Variants in PHF2 observed in about 807,000 individuals in gnomAD.
PHF2 encodes lysine-specific demethylase PHF2.
PHF2 carries 27 observed loss-of-function variants against 120.5 expected under a neutral mutation model. The observed-to-expected ratio is 0.22, with a 90% CI of 0.17 to 0.31. The LOEUF is 0.31. PHF2 is among the 10% of genes least tolerant of loss of function. PHF2 has a pLI of 1.00. For missense variants in PHF2, 1,024 were observed against 1,434.8 expected, an observed-to-expected ratio of 0.71 and a Z score of 4.63; for synonymous variants, 568 against 592.5, an observed-to-expected ratio of 0.96 and a Z score of 0.60.
At chr9:93,648,239 G>A (rs543166697) in intron 4 of PHF2, among the ~76,000 whole-genome samples, 105 of 152,350 alleles carry the variant, frequency 6.9e-4, no homozygotes, top group African/African-American at 2.3e-3. Context: ...TTGGTTGCCA[G>A]CGTCCCAGTG....
chr9:93,663,767 T>TCACA (rs56951431), intron 14 of PHF2, 132 bp downstream of exon 14: 340,930 of 571,686 alleles, frequency 0.6, 106,065 homozygotes, highest in Non-Finnish European at 0.65. Flanking sequence ...ACTCTGCATC[T>TCACA]CACACACACC....
rs1329980861 is a variant in PHF2, at chr9:93,676,509, C to T, written c.2833-85C>T. The T allele has an allele frequency of 2.7e-6, 4 of 1,501,232 alleles. No homozygotes were observed. In the East Asian group the frequency reaches 9.1e-5, roughly 34 times the overall value. The allele number at this position is 1,501,232 out of a possible 1,614,324, so 93.0% of individuals were successfully genotyped here. On this transcript the variant is annotated intron_variant, in intron 20 of 21. Transcript: ENST00000359246. ...CCAGCCCTGCTGTGCTCAAGGGCCC[C>T]TGGCAAGGCCATGCCGGGAGCTCCC... is the stretch of plus-strand genomic sequence containing the variant.
intron 6 of PHF2, 90 bp from the exon 7 acceptor site, chr9:93,654,323 C>A: frequency 8.1e-7 from 1 of 1,234,002 alleles, no homozygotes; most frequent in Non-Finnish European, 1.2e-6. Flanking sequence ...TGGACCTGGG[C>A]AGGGTACTTT....
chr9:93,674,840 GGTCTGCAGCCAC>G lies in PHF2; in HGVS notation c.2627-86_2627-75del, dbSNP rs905214300. The G allele has an allele frequency of 3.4e-6, 3 of 890,160 alleles. No individual in the cohort carries two copies. In the African/African-American group the frequency reaches 4.9e-5, roughly 15 times the overall value. The allele number at this position is 890,160 out of a possible 1,614,324, so 55.1% of individuals were successfully genotyped here. A position where few individuals can be genotyped will look rare whatever the true frequency, so the allele number is the denominator to read the frequency against. ...AGGCCCTGGGGTTGCTGGCGAGGAA[GGTCTGCAGCCAC>G]CTGTACCCCCCCGCCCTCCTCCGTG... On this transcript the variant is annotated intron_variant, in intron 18 of 21. Transcript: ENST00000359246.
At chr9:93,600,739 A>G (rs1372319854) in intron 1 of PHF2, among the ~76,000 whole-genome samples, 6 of 152,204 alleles carry the variant, frequency 3.9e-5, no homozygotes, top group Non-Finnish European at 8.8e-5. Flanking sequence ...GCTCGGCCCA[A>G]GCAGCCACAC....
At chr9:93,610,069 A>T (rs1487488851) in intron 1 of PHF2, among the ~76,000 whole-genome samples, 1 of 80,830 alleles carries the variant, frequency 1.2e-5, no homozygotes, top group Non-Finnish European at 3.5e-5. Context: ...GCCTAGGTGT[A>T]GATTTTTTTT....
intron 3 of PHF2, among the ~76,000 whole-genome samples, chr9:93,644,731 A>G (rs1826226066): frequency 6.6e-6 from 1 of 151,862 alleles, no homozygotes. Flanking sequence ...AAGGAGCAGG[A>G]GGCAGCCTGG....
Position 93,677,685 on chromosome 9 carries a change from A to T in PHF2, c.*9A>T, listed in dbSNP as rs1267286502. 1.2e-5 allele frequency: 19 copies of T among 1,608,394 alleles called. No individual in the cohort carries two copies. In the East Asian group the frequency reaches 4.2e-4, roughly 36 times the overall value. On this transcript the variant is annotated 3_prime_UTR_variant, in exon 22 of 22. Coordinates refer to ENST00000359246, the MANE Select transcript of PHF2 (RefSeq NM_005392.4). This position sits in a 1 kb window ranked among gnomAD's most constrained non-coding sequence, Gnocchi z 4.4. ...GGAAACTACTCCTTTAAGATTTGGA[A>T]AGCCAGGATCCTTCTGCTCCGCTCA...
At chr9:93,604,336 CTT>C (rs1171344507) in intron 1 of PHF2, among the ~76,000 whole-genome samples, 47 of 131,690 alleles carry the variant, frequency 3.6e-4, no homozygotes, top group African/African-American at 9.8e-4. Context: ...AGCGAGACTT[CTT>C]TTTTTTTTTT....
chr9:93,650,237 G>A lies in PHF2; in HGVS notation c.602+1025G>A, dbSNP rs138105048. ...TGACATAGACATGCGATACACCCAC[G>A]GGCATTCATGGACACACTTGTGGGC... On this transcript the variant is annotated intron_variant, in intron 5 of 21. Transcript: ENST00000359246. 2.6e-3 allele frequency among the ~76,000 whole-genome samples: 398 copies of A among 150,840 alleles called. 1 individual carries two copies. Among genetic ancestry groups the A allele is most frequent in the Non-Finnish European group, 2.6e-3 (179 of 67,672 alleles).
intron 4 of PHF2, among the ~76,000 whole-genome samples, chr9:93,646,062 A>G (rs1416340229): frequency 1.3e-5 from 2 of 152,188 alleles, no homozygotes; most frequent in African/African-American, 4.8e-5. Flanking sequence ...TCTGGCAGCT[A>G]TGAATTGCAT....
chr9:93,598,320 C>T (rs1420377985), intron 1 of PHF2, among the ~76,000 whole-genome samples: 1 of 152,206 alleles, frequency 6.6e-6, no homozygotes, highest in African/African-American at 2.4e-5. Flanking sequence ...TGAAGAGGGC[C>T]GTGCTGCGGG....
At chr9:93,616,573 G>A (rs1483864035) in intron 1 of PHF2, among the ~76,000 whole-genome samples, 1 of 152,114 alleles carries the variant, frequency 6.6e-6, no homozygotes, top group Non-Finnish European at 1.5e-5. Context: ...GCAAAGTAAG[G>A]TGAAGGCTCT....
At position 93,673,567 on chromosome 9, in the gene PHF2, G is replaced by T. The variant is rs569488851; in HGVS notation, c.2349-18G>T. 1.3e-6 allele frequency: 2 copies of T among 1,540,384 alleles called. No individual in the cohort carries two copies. Among genetic ancestry groups the T allele is most frequent in the Non-Finnish European group, 1.8e-6 (2 of 1,139,420 alleles). ...GCCAAGAGCACTGGGCTGAGTGCCT[G>T]TCTCTCTGTGCCCCTAGCCAGCCCC... On this transcript the variant is annotated intron_variant, in intron 17 of 21. Transcript: ENST00000359246.
At chr9:93,644,128 T>G (rs867024152) in intron 3 of PHF2, among the ~76,000 whole-genome samples, 7 of 152,178 alleles carry the variant, frequency 4.6e-5, no homozygotes, top group Non-Finnish European at 1.0e-4. Context: ...GGCTCACGCC[T>G]GTAATCCCAG....
At chr9:93,642,186 G>A (rs572730147) in intron 3 of PHF2, among the ~76,000 whole-genome samples, 8 of 152,278 alleles carry the variant, frequency 5.3e-5, no homozygotes, top group Admixed American at 3.9e-4. Flanking sequence ...TAGGAGCTTC[G>A]TATTGAATTT....
chr9:93,679,349 C>T lies in PHF2; in HGVS notation c.*1673C>T, dbSNP rs1267568436. ...ACTGGTGTTTTTAAAGTTTCCTTTA[C>T]CCTGCCCTTGTTGAACATTTATATA... On this transcript the variant is annotated 3_prime_UTR_variant, in exon 22 of 22. Coordinates refer to ENST00000359246, the MANE Select transcript of PHF2 (RefSeq NM_005392.4). 2.3e-6 allele frequency: 1 copy of T among 442,022 alleles called. No homozygotes were observed. The highest frequency in any genetic ancestry group is 2.0e-5 in the African/African-American group (1 of 49,264). 27.4% of individuals were successfully genotyped at this position (442,022 alleles called of 1,614,324 possible). A position where few individuals can be genotyped will look rare whatever the true frequency, so the allele number is the denominator to read the frequency against.
In PHF2 at chr9:93,654,424, C is replaced by T; in HGVS notation, c.801C>T (p.Thr267=). The T allele has an allele frequency of 6.2e-7, 1 of 1,613,326 alleles. No individual in the cohort carries two copies. Among genetic ancestry groups the T allele is most frequent in the Non-Finnish European group, 8.5e-7 (1 of 1,179,618 alleles). ...AWYHVLKGEK[T]FYLIRPASAN... is the part of the protein sequence containing the mutation. Reference sequence around the variant, plus strand: ...GGCTCTCTTGGCAGGGGGAGAAGACCTTCTATCTCATCAGGCCGGCCTCGG... The same window carrying T: ...GGCTCTCTTGGCAGGGGGAGAAGACTTTCTATCTCATCAGGCCGGCCTCGG... Residue 267 remains threonine (T), a synonymous_variant, in exon 7 of 22, where the codon ACC becomes ACT. Coordinates refer to ENST00000359246, the MANE Select transcript of PHF2 (RefSeq NM_005392.4).
Position 93,677,759 on chromosome 9 carries a change from G to A in PHF2, c.*83G>A, listed in dbSNP as rs1363753729. 6.8e-6 allele frequency: 7 copies of A among 1,027,466 alleles called. No homozygotes were observed. The highest frequency in any genetic ancestry group is 1.6e-5 in the African/African-American group (1 of 62,658). 63.6% of individuals were successfully genotyped at this position (1,027,466 alleles called of 1,614,324 possible). A position where few individuals can be genotyped will look rare whatever the true frequency, so the allele number is the denominator to read the frequency against. On this transcript the variant is annotated 3_prime_UTR_variant, in exon 22 of 22. Coordinates refer to ENST00000359246, the MANE Select transcript of PHF2 (RefSeq NM_005392.4). The surrounding 1 kb of genome is among the most constrained non-coding windows in gnomAD (Gnocchi z 4.4). ...CATCTGCCTCCCAGGAGGGTGCCGA[G>A]CTGCCTCACCAGGGAGGGCCTTGCC...
Sources: gnomAD v4.1 joint callset for allele counts (sites outside exome capture counted in the v4.1 genomes callset) on GRCh38, gnomAD v4.1.1 for gene constraint, Gnocchi (gnomAD v3.1) non-coding constraint, MANE v1.5 for transcripts, NCBI Gene and HGNC (gene_info 2026-07-23, HGNC 2026-07-21) for gene names.